ABCC9: variants seen among roughly 807,000 people sequenced by gnomAD.
ABCC9 encodes ATP-binding cassette sub-family C member 9.
ABCC9 carries 95 observed loss-of-function variants against 188.3 expected under a neutral mutation model. That is an observed-to-expected ratio of 0.50 (90% CI 0.43 to 0.60). ABCC9 has a LOEUF of 0.60. Among genes scored for constraint, ABCC9 ranks in the 20% least tolerant of loss-of-function variants. The pLI, the probability that ABCC9 is intolerant of heterozygous loss-of-function variation, is 0.00. For synonymous variants in ABCC9, 659 were observed against 652.7 expected (o/e 1.01, Z -0.15); for missense variants, 1,102 against 1,876.3 (o/e 0.59, Z 7.62).
chr12:21,835,244 A>C (rs1944009301), intron 30 of ABCC9, among the ~76,000 whole-genome samples: 1 of 152,188 alleles, frequency 6.6e-6, no homozygotes, highest in African/African-American at 2.4e-5. Flanking sequence ...GTGTCCTTTA[A>C]TTTATTCACA....
At chr12:21,862,153 T>G (rs991836248) in intron 20 of ABCC9, among the ~76,000 whole-genome samples, 1 of 152,090 alleles carries the variant, frequency 6.6e-6, no homozygotes, top group Non-Finnish European at 1.5e-5. Context: ...CATTCCTAAG[T>G]GTAGGCAACA....
chr12:21,908,472 T>A (rs1288376562), intron 10 of ABCC9, among the ~76,000 whole-genome samples: 1 of 152,020 alleles, frequency 6.6e-6, no homozygotes, highest in African/African-American at 2.4e-5. Context: ...GTACAACTGA[T>A]GTCAAACCAA....
intron 15 of ABCC9, among the ~76,000 whole-genome samples, chr12:21,885,059 G>A (rs1169241364): frequency 1.3e-5 from 2 of 152,176 alleles, no homozygotes; most frequent in Non-Finnish European, 2.9e-5. Flanking sequence ...AAGAGTAAAT[G>A]TGTTGACAGA....
chr12:21,886,230 C>G (rs1350619995), intron 15 of ABCC9, among the ~76,000 whole-genome samples: 1 of 152,052 alleles, frequency 6.6e-6, no homozygotes, highest in Non-Finnish European at 1.5e-5. Flanking sequence ...TATCTCAAAA[C>G]TTGCATGTGC....
intron 24 of ABCC9, among the ~76,000 whole-genome samples, chr12:21,849,518 A>G (rs1400723070): frequency 1.3e-5 from 2 of 152,150 alleles, no homozygotes; most frequent in Non-Finnish European, 2.9e-5. Flanking sequence ...AATAAAATAA[A>G]CCTTCATAAT....
At chr12:21,928,493 C>A (rs1949141173) in intron 4 of ABCC9, among the ~76,000 whole-genome samples, 1 of 151,918 alleles carries the variant, frequency 6.6e-6, no homozygotes, top group Non-Finnish European at 1.5e-5. Context: ...AACCAAAATT[C>A]ACTTACTAAT....
chr12:21,828,947 A>G lies in ABCC9; in HGVS notation c.3669+11T>C. On this transcript the variant is annotated intron_variant, in intron 31 of 39. Transcript: ENST00000261200. ...TTTGGTTTCCATTTCGAAATCATGA[A>G]ATGAACGTACCGTCCTGACCTCCAG... The G allele has an allele frequency of 6.2e-7, 1 of 1,609,690 alleles. No homozygotes were observed. Among genetic ancestry groups the G allele is most frequent in the East Asian group, 2.2e-5 (1 of 44,852 alleles).
intron 24 of ABCC9, among the ~76,000 whole-genome samples, chr12:21,848,724 C>T (rs1222927932): frequency 6.6e-6 from 1 of 152,126 alleles, no homozygotes; most frequent in Non-Finnish European, 1.5e-5. Flanking sequence ...TCTTTAGCAT[C>T]TCACTAAGGG....
intron 33 of ABCC9, 147 bp from the exon 34 acceptor site, chr12:21,816,040 T>TTTTTTTTG (rs1942608529): frequency 5.7e-5 from 1 of 17,456 alleles, no homozygotes; most frequent in Non-Finnish European, 1.3e-4. Context: ...GTGGCAGTTT[T>TTTTTTTTG]TTTTTTTTTT....
intron 30 of ABCC9, among the ~76,000 whole-genome samples, chr12:21,836,185 C>T (rs1417646491): frequency 1.3e-5 from 2 of 152,210 alleles, no homozygotes; most frequent in African/African-American, 4.8e-5. Flanking sequence ...TAACCATCCC[C>T]AGTTCATAGT....
In ABCC9 at chr12:21,940,695, GC is replaced by G. The variant is rs1488132647; in HGVS notation, c.-21+14del. On this transcript the variant is annotated intron_variant, in intron 2 of 39. Coordinates refer to ENST00000261200, the MANE Select transcript of ABCC9 (RefSeq NM_020297.4). ...AAAAATCCCAAACTGAACAAATAAA[GC>G]AAAAAATAAATACCTTGGGCAATAG... 1.3e-5 allele frequency: 2 copies of G among 152,074 alleles called. No individual in the cohort carries two copies. The highest frequency in any genetic ancestry group is 2.9e-5 in the Non-Finnish European group (2 of 68,014). The allele number at this position is 152,074 out of a possible 1,614,324, so 9.4% of individuals were successfully genotyped here.
chr12:21,915,514 A>ATATATATATTTTTTTTTTTTTTTTTTT lies in ABCC9; in HGVS notation c.816+153_816+154insAAAAAAAAAAAAAAAAAAATATATATA. ...TGTGTGTGTGTGTATATATATATAT[A>ATATATATATTTTTTTTTTTTTTTTTTT]TTTTTTTTTTTTTTTTGAGACAGAG... On this transcript the variant is annotated intron_variant, in intron 7 of 39. Transcript: ENST00000261200. Among the ~76,000 whole-genome samples, 4 of 3,522 alleles carry ATATATATATTTTTTTTTTTTTTTTTTT rather than the reference A, an allele frequency of 1.1e-3. 1 individual carries two copies. Among genetic ancestry groups the ATATATATATTTTTTTTTTTTTTTTTTT allele is most frequent in the Non-Finnish European group, 1.4e-3 (3 of 2,144 alleles). The allele number at this position is 3,522 out of a possible 152,430, so 2.3% of individuals were successfully genotyped here.
rs761237881 is a variant in ABCC9, at chr12:21,844,594, A to C, written c.3246-42T>G. 2.5e-6 allele frequency: 4 copies of C among 1,593,924 alleles called. No individual in the cohort carries two copies. In the African/African-American group the frequency reaches 5.4e-5, roughly 21 times the overall value. The stretch of plus-strand genomic sequence containing the variant: ...TGGAAGTATATGATAATACTAAACT[A>C]TTTGGAACCTGGGCATTGCTAATGG... On this transcript the variant is annotated intron_variant, in intron 27 of 39. Coordinates refer to ENST00000261200, the MANE Select transcript of ABCC9 (RefSeq NM_020297.4).
chr12:21,928,838 C>A (rs185356213), intron 4 of ABCC9, among the ~76,000 whole-genome samples: 102 of 152,174 alleles, frequency 6.7e-4, no homozygotes, highest in African/African-American at 2.3e-3. Flanking sequence ...TACAAAGCTG[C>A]GTAGGTTTTG....
At position 21,922,750 on chromosome 12, in the gene ABCC9, T is replaced by C. The variant is rs78936955; in HGVS notation, c.406+3192A>G. Among the ~76,000 whole-genome samples the C allele has an allele frequency of 5.6e-4, 73 of 130,702 alleles. 1 individual carries two copies. Among genetic ancestry groups the C allele is most frequent in the African/African-American group, 2.4e-3 (68 of 28,414 alleles). 85.7% of individuals were successfully genotyped at this position (130,702 alleles called of 152,430 possible). ...ATGGTCCTACCAAGCTTTTTTTTTTTCTTTTTTTTTTTTTTTTGGAGAAAT... is the reference window on the plus strand; with the variant it reads ...ATGGTCCTACCAAGCTTTTTTTTTTCCTTTTTTTTTTTTTTTTGGAGAAAT... On this transcript the variant is annotated intron_variant, in intron 5 of 39. Coordinates refer to ENST00000261200, the MANE Select transcript of ABCC9 (RefSeq NM_020297.4).
intron 31 of ABCC9, among the ~76,000 whole-genome samples, chr12:21,824,873 C>A (rs1199503484): frequency 6.6e-6 from 1 of 151,908 alleles, no homozygotes; most frequent in Non-Finnish European, 1.5e-5. Context: ...GTATTTGATT[C>A]TTTTCTCTTT....
rs1300057983 is a variant in ABCC9 at position 21,933,886 on chromosome 12, G to A, written c.180C>T (p.His60=). The change falls in exon 4 of 40, where the codon CAC becomes CAT. Residue 60 remains histidine (H), a synonymous_variant. Transcript: ENST00000261200. ...GTCCCGGAAAATGAAGCCATGTGTT[G>A]TGGTGAATTTGTACTTTTGAGCTTT... The part of the protein sequence containing the change: ...GSQSSKVQIH[H]NTWLHFPGHN... 1 of 1,613,520 alleles carries A rather than the reference G, an allele frequency of 6.2e-7. No homozygotes were observed. The highest frequency in any genetic ancestry group is 8.5e-7 in the Non-Finnish European group (1 of 1,179,658).
intron 7 of ABCC9, among the ~76,000 whole-genome samples, chr12:21,915,267 A>ATGTATGTGTGTATGTATATAC (rs774503903): frequency 1.1e-5 from 1 of 89,150 alleles, no homozygotes; most frequent in African/African-American, 4.5e-5. Flanking sequence ...GTGTGTATAT[A>ATGTATGTGTGTATGTATATAC]ATGTGTATAT....
intron 4 of ABCC9, among the ~76,000 whole-genome samples, chr12:21,929,486 ATAT>A (rs1349899590): frequency 6.6e-6 from 1 of 152,084 alleles, no homozygotes; most frequent in Non-Finnish European, 1.5e-5. Flanking sequence ...AAAAAATCAA[ATAT>A]TCTATTAGGA....
Sources: allele counts gnomAD v4.1 joint callset (sites outside exome capture counted in the v4.1 genomes callset), GRCh38; gene constraint gnomAD v4.1.1; transcripts MANE v1.5; gene names NCBI Gene and HGNC (gene_info 2026-07-23, HGNC 2026-07-21).